The following TENM3 variants were observed in gnomAD, a reference collection of about 807,000 sequenced individuals.
TENM3 encodes the protein teneurin-3.
A neutral mutation model predicts 255.1 loss-of-function variants in TENM3; 63 were observed. The ratio of observed to expected loss-of-function variants is 0.25; its 90% confidence interval spans 0.20 to 0.30. The LOEUF is 0.30. Ranked by LOEUF, TENM3 falls within the 10% of genes least tolerant of loss-of-function variation. The probability of loss-of-function intolerance (pLI) is 1.00; values close to 1 mark genes in which losing one functional copy is unlikely to be tolerated. For synonymous variants in TENM3, 1,306 were observed against 1,322.3 expected (o/e 0.99, Z 0.27); for missense variants, 2,929 against 3,461.1 (o/e 0.85, Z 3.86).
At chr4:182,058,658 A>C in the TENM3 span, among the ~76,000 whole-genome samples, 11,525 of 152,158 alleles carry the variant, frequency 0.076, 513 homozygotes, top group East Asian at 0.13. Flanking sequence ...CTGTGATCCA[A>C]CTCTTCAATT....
Position 182,773,616 on chromosome 4 carries a change from C to A in TENM3, c.5037C>A (p.Ser1679=). The A allele has an allele frequency of 6.2e-7, 1 of 1,613,140 alleles. No individual in the cohort carries two copies. The highest frequency in any genetic ancestry group is 8.5e-7 in the Non-Finnish European group (1 of 1,179,542). ...EEDVSITSNL[S]SIDSFYTMVQ... Reference sequence around the variant, plus strand: ...ATGTCAGCATCACTTCAAATCTGTCCTCGATCGATTCTTTCTACACCATGG... The same window carrying A: ...ATGTCAGCATCACTTCAAATCTGTCATCGATCGATTCTTTCTACACCATGG... Residue 1679 remains serine (S), a synonymous_variant, in exon 23 of 28, where the codon TCC becomes TCA. Transcript: ENST00000511685.
At chr4:181,629,273 C>T in the TENM3 span, among the ~76,000 whole-genome samples, 2 of 152,152 alleles carry the variant, frequency 1.3e-5, no homozygotes, top group African/African-American at 4.8e-5. Flanking sequence ...ACAGTCATGT[C>T]ATCTGCAAAC....
chr4:182,674,964 C>T (rs1755547106), intron 7 of TENM3, among the ~76,000 whole-genome samples: 1 of 152,078 alleles, frequency 6.6e-6, no homozygotes, highest in South Asian at 2.1e-4. Context: ...ACAACCTCCG[C>T]CTCCCGGGTT....
At chr4:182,580,707 C>T (rs1745403517) in intron 3 of TENM3, among the ~76,000 whole-genome samples, 2 of 152,198 alleles carry the variant, frequency 1.3e-5, no homozygotes, top group South Asian at 4.1e-4. Context: ...GATGAACTTA[C>T]CTGTTTCAAC....
At chr4:182,154,221 T>A (rs1750538259) in intron 1 of TENM3, among the ~76,000 whole-genome samples, 1 of 152,018 alleles carries the variant, frequency 6.6e-6, no homozygotes. Context: ...ATAATTGGTA[T>A]AAATGGCTAA....
At chr4:182,633,265 T>C (rs1465154639) in intron 5 of TENM3, among the ~76,000 whole-genome samples, 1 of 152,206 alleles carries the variant, frequency 6.6e-6, no homozygotes, top group Non-Finnish European at 1.5e-5. Context: ...TTCAACTTAC[T>C]CTGGTACTTA....
chr4:182,695,871 T>C (rs960814692), intron 12 of TENM3, among the ~76,000 whole-genome samples: 1 of 152,240 alleles, frequency 6.6e-6, no homozygotes, highest in African/African-American at 2.4e-5. Flanking sequence ...TTCTTTTAGA[T>C]GAATATTTCT....
In TENM3 at chr4:182,714,149, T is replaced by A; in HGVS notation, c.2284T>A (p.Cys762Ser). ...TACCCTGGACCAAAATGGCTGGCAT[T>A]GTGTGTGCCAGCCTGGATGGAGAGG... ...RCTLDQNGWH[C>S]VCQPGWRGAG... Residue 762 changes from cysteine (C) to serine (S), a missense_variant, in exon 13 of 28, where the codon TGT (cysteine) becomes AGT (serine). Cys to Ser is a moderately radical substitution (Grantham distance 112, BLOSUM62 -1). Coordinates refer to ENST00000511685, the MANE Select transcript of TENM3 (RefSeq NM_001080477.4). 1 of 1,613,148 alleles carries A rather than the reference T, an allele frequency of 6.2e-7. No individual in the cohort carries two copies. The highest frequency in any genetic ancestry group is 8.5e-7 in the Non-Finnish European group (1 of 1,179,160).
At chr4:181,890,842 G>A in the TENM3 span, among the ~76,000 whole-genome samples, 116,116 of 152,046 alleles carry the variant, frequency 0.76, 44,497 homozygotes, top group East Asian at 0.95. Flanking sequence ...GCTCAACTAC[G>A]GAGAATAGTA....
chr4:181,659,432 T>A, the TENM3 span, among the ~76,000 whole-genome samples: 3 of 152,210 alleles, frequency 2.0e-5, no homozygotes, highest in Non-Finnish European at 4.4e-5. Flanking sequence ...GTTTGAATCA[T>A]GACCCTTTCC....
At chr4:181,793,200 C>A in the TENM3 span, among the ~76,000 whole-genome samples, 2 of 152,270 alleles carry the variant, frequency 1.3e-5, no homozygotes, top group African/African-American at 2.4e-5. Flanking sequence ...GGCTGGCCGG[C>A]GATCCAGCTG....
the TENM3 span, among the ~76,000 whole-genome samples, chr4:182,064,618 T>C: frequency 6.6e-6 from 1 of 151,414 alleles, no homozygotes; most frequent in African/African-American, 2.4e-5. Flanking sequence ...GAGTAACCAA[T>C]GGGGACCCAT....
the TENM3 span, among the ~76,000 whole-genome samples, chr4:181,619,849 G>A: frequency 1.3e-5 from 2 of 152,308 alleles, no homozygotes; most frequent in East Asian, 3.9e-4. Flanking sequence ...CGGAGCAGGT[G>A]TGTTACTGCT....
the TENM3 span, among the ~76,000 whole-genome samples, chr4:181,903,910 T>A: frequency 6.6e-6 from 1 of 152,140 alleles, no homozygotes; most frequent in African/African-American, 2.4e-5. Context: ...GAGTCTTGGA[T>A]GAGTTCAATT....
the TENM3 span, among the ~76,000 whole-genome samples, chr4:181,622,521 C>T: frequency 6.6e-6 from 1 of 151,942 alleles, no homozygotes; most frequent in South Asian, 2.1e-4. Context: ...AATAAAAATA[C>T]AAAAATTAGC....
chr4:181,760,526 A>C, the TENM3 span, among the ~76,000 whole-genome samples: 3 of 152,174 alleles, frequency 2.0e-5, no homozygotes, highest in African/African-American at 4.8e-5. Flanking sequence ...TTTGTAGTTT[A>C]ATTTCTCCTA....
the TENM3 span, among the ~76,000 whole-genome samples, chr4:182,093,774 ACAGGGTCCCTC>A: frequency 2.0e-5 from 3 of 152,258 alleles, no homozygotes; most frequent in African/African-American, 7.2e-5. Flanking sequence ...CGCTTCCACG[ACAGGGTCCCTC>A]CAGGGCTGAG....
chr4:181,931,263 A>C, the TENM3 span, among the ~76,000 whole-genome samples: 3 of 152,208 alleles, frequency 2.0e-5, no homozygotes, highest in African/African-American at 7.2e-5. Flanking sequence ...TATTTGGAAA[A>C]CCCCATCATC....
the TENM3 span, among the ~76,000 whole-genome samples, chr4:181,838,619 T>C: frequency 2.0e-5 from 3 of 152,230 alleles, no homozygotes; most frequent in Non-Finnish European, 4.4e-5. Context: ...GTTTCTATTC[T>C]TTCTCAAGTT....
Sources: allele counts gnomAD v4.1 joint callset (sites outside exome capture counted in the v4.1 genomes callset), GRCh38; gene constraint gnomAD v4.1.1; transcripts MANE v1.5; gene names NCBI Gene and HGNC (gene_info 2026-07-23, HGNC 2026-07-21).